The following ZNF749 variants were observed in gnomAD, a reference collection of about 807,000 sequenced individuals.
ZNF749 encodes zinc finger protein 749.
In ZNF749, 8 loss-of-function variants were observed where a neutral mutation model predicts 7.3. The ratio of observed to expected loss-of-function variants is 1.10; its 90% CI spans 0.64 to 1.98. The LOEUF (loss-of-function observed/expected upper bound fraction) is 1.98, where lower values mean the gene tolerates loss of function less well. Among genes scored for constraint, ZNF749 ranks in the 30% most tolerant of loss-of-function variants. ZNF749 has a pLI of 0.00. For synonymous variants in ZNF749, 310 were observed against 322.4 expected (o/e 0.96, Z 0.41); for missense variants, 898 against 932.4 (o/e 0.96, Z 0.48).
chr19:57,430,220 C>G, the ZNF749 span, among the ~76,000 whole-genome samples: 2 of 152,148 alleles, frequency 1.3e-5, no homozygotes, highest in East Asian at 3.9e-4. Flanking sequence ...GCTGGGAAGT[C>G]CAATACCAAG....
chr19:57,445,664 C>T lies in ZNF749; in HGVS notation c.*179C>T. Reference sequence around the variant, plus strand: ...ACATTTATGTCCAGGCGTGGTGGCTCACGCCTGTAATCCCAGCACTTTGGG... The same window carrying T: ...ACATTTATGTCCAGGCGTGGTGGCTTACGCCTGTAATCCCAGCACTTTGGG... On this transcript the variant is annotated 3_prime_UTR_variant, in exon 3 of 3. Transcript: ENST00000334181. 1 of 678,626 alleles carries T rather than the reference C, an allele frequency of 1.5e-6. No homozygotes were observed. The highest frequency in any genetic ancestry group is 6.6e-5 in the South Asian group (1 of 15,212). 42.0% of individuals were successfully genotyped at this position (678,626 alleles called of 1,614,324 possible).
Position 57,445,089 on chromosome 19 carries a change from A to G in ZNF749, c.1941A>G (p.Lys647=), listed in dbSNP as rs973156728. The part of the protein sequence containing the change: ...ERPYECSECG[K]FFRDSYKLII... ...CTTATGAGTGTAGTGAATGTGGGAAATTTTTTAGAGATAGCTACAAACTCA... is the reference window on the plus strand; with the variant it reads ...CTTATGAGTGTAGTGAATGTGGGAAGTTTTTTAGAGATAGCTACAAACTCA... Residue 647 remains lysine, a synonymous_variant, in exon 3 of 3, where the codon AAA becomes AAG. Transcript: ENST00000334181. The G allele has an allele frequency of 4.3e-6, 7 of 1,613,600 alleles. No homozygotes were observed. Among genetic ancestry groups the G allele is most frequent in the Non-Finnish European group, 4.2e-6 (5 of 1,179,846 alleles).
chr19:57,437,695 G>T (rs1027421091), intron 1 of ZNF749, among the ~76,000 whole-genome samples: 1 of 147,938 alleles, frequency 6.8e-6, no homozygotes, highest in African/African-American at 2.5e-5. Flanking sequence ...TTGCACTGCA[G>T]CCTGGGCAAC....
At position 57,443,861 on chromosome 19, in the gene ZNF749, A is replaced by C; in HGVS notation, c.713A>C (p.Asn238Thr). The change falls in exon 3 of 3, where the codon AAC becomes ACC. Residue 238 changes from asparagine to threonine, a missense_variant. By Grantham distance (65) the Asn-to-Thr change is moderately conservative. Coordinates refer to ENST00000334181, the MANE Select transcript of ZNF749 (RefSeq NM_001023561.4). ...GGGGAATTGTTTAGGTACAACTCCA[A>C]CCTTATTAAATATCAGCAAAATCAT... ...ECGELFRYNS[N>T]LIKYQQNHAG... is the part of the protein sequence containing the mutation. 1 of 1,613,700 alleles carries C rather than the reference A, an allele frequency of 6.2e-7. No individual in the cohort carries two copies. The highest frequency in any genetic ancestry group is 1.1e-5 in the South Asian group (1 of 91,064).
chr19:57,432,085 G>A (rs762542526), upstream of ZNF749, among the ~76,000 whole-genome samples: 11 of 151,604 alleles, frequency 7.3e-5, no homozygotes, highest in East Asian at 2.0e-4. Flanking sequence ...TGCCTGCCTC[G>A]GCCTCCCAAA....
intron 1 of ZNF749, among the ~76,000 whole-genome samples, chr19:57,437,584 C>G (rs2088947215): frequency 6.6e-6 from 1 of 151,760 alleles, no homozygotes; most frequent in Non-Finnish European, 1.5e-5. Flanking sequence ...ATTACCTGGG[C>G]GTGGTGGCGG....
chr19:57,431,205 C>T (rs1465773753), upstream of ZNF749, among the ~76,000 whole-genome samples: 1 of 152,138 alleles, frequency 6.6e-6, no homozygotes, highest in Non-Finnish European at 1.5e-5. Flanking sequence ...ATTTTTTATT[C>T]AGAACCTTGG....
Position 57,444,356 on chromosome 19 carries a change from T to G in ZNF749, c.1208T>G (p.Val403Gly). The G allele has an allele frequency of 6.2e-7, 1 of 1,614,046 alleles. No homozygotes were observed. The highest frequency in any genetic ancestry group is 8.5e-7 in the Non-Finnish European group (1 of 1,179,978). Residue 403 changes from valine (V) to glycine (G), a missense_variant, in exon 3 of 3, where the codon GTT becomes GGT. Transcript: ENST00000334181. Reference sequence around the variant, plus strand: ...TCCACACTCAATATGCACCAGAGAGTTCATGCTGGCAAAAGGCTTTATAAG... The same window carrying G: ...TCCACACTCAATATGCACCAGAGAGGTCATGCTGGCAAAAGGCTTTATAAG... Reference protein sequence around the residue: ...HRSTLNMHQRVHAGKRLYKCS... With the variant: ...HRSTLNMHQRGHAGKRLYKCS...
In ZNF749 at chr19:57,446,269, C is replaced by G. The variant is rs969470004; in HGVS notation, c.*784C>G. Among the ~76,000 whole-genome samples, 2 of 152,018 alleles carry G rather than the reference C, an allele frequency of 1.3e-5. No homozygotes were observed. Among genetic ancestry groups the G allele is most frequent in the Non-Finnish European group, 2.9e-5 (2 of 68,006 alleles). On this transcript the variant is annotated 3_prime_UTR_variant, in exon 3 of 3. Coordinates refer to ENST00000334181, the MANE Select transcript of ZNF749 (RefSeq NM_001023561.4). Reference sequence around the variant, plus strand: ...CTGTGAGGGATCTAGGTTGTGTGCTCCTTATGAGAATCTAACTAATACCTG... The same window carrying G: ...CTGTGAGGGATCTAGGTTGTGTGCTGCTTATGAGAATCTAACTAATACCTG...
rs553037044 is a variant in ZNF749 at position 57,442,112 on chromosome 19, C to G, written c.142+101C>G. The G allele has an allele frequency of 2.0e-6, 3 of 1,466,344 alleles. No homozygotes were observed. In the African/African-American group the frequency reaches 4.2e-5, roughly 21 times the overall value. 90.8% of individuals were successfully genotyped at this position (1,466,344 alleles called of 1,614,324 possible). A position where few individuals can be genotyped will look rare whatever the true frequency, so the allele number is the denominator to read the frequency against. On this transcript the variant is annotated intron_variant, in intron 2 of 2. Transcript: ENST00000334181. This position sits in a 1 kb window ranked among gnomAD's most constrained non-coding sequence, Gnocchi z 6.6. ...TTCCCACACCAGATTGTGAGTGCTA[C>G]GTCCTGTCCTCTCCTGGTTTCCTGG...
rs367787971 is a variant in ZNF749 at position 57,445,364 on chromosome 19, G to A, written c.2216G>A (p.Gly739Asp). The A allele has an allele frequency of 1.1e-5, 17 of 1,613,578 alleles. No homozygotes were observed. Among genetic ancestry groups the A allele is most frequent in the Admixed American group, 1.7e-5 (1 of 59,962 alleles). Reference protein sequence around the residue: ...CGKDFNKCNTGQRQKTHTGER... With the variant: ...CGKDFNKCNTDQRQKTHTGER... ...AAAGACTTCAACAAATGTAATACTG[G>A]TCAGCGCCAAAAAACTCACACTGGA... Residue 739 changes from glycine to aspartate, a missense_variant, in exon 3 of 3, where the codon GGT becomes GAT. Gly to Asp is a moderately conservative substitution (Grantham distance 94, BLOSUM62 -1). Coordinates refer to ENST00000334181, the MANE Select transcript of ZNF749 (RefSeq NM_001023561.4).
Position 57,443,968 on chromosome 19 carries a change from C to T in ZNF749, c.820C>T (p.His274Tyr). Residue 274 changes from histidine (H) to tyrosine (Y), a missense_variant, in exon 3 of 3, where the codon CAC (histidine) becomes TAC (tyrosine). By Grantham distance (83) the His-to-Tyr change is moderately conservative. Coordinates refer to ENST00000334181, the MANE Select transcript of ZNF749 (RefSeq NM_001023561.4). ...CAACCTAGTTCAGCACCAGAAAATT[C>T]ACAGTGAAGGCTTTCTTTCAAAAAG... Reference protein sequence around the residue: ...KSNLVQHQKIHSEGFLSKRSD... With the variant: ...KSNLVQHQKIYSEGFLSKRSD... 6.2e-7 allele frequency: 1 copy of T among 1,613,838 alleles called. No homozygotes were observed. The highest frequency in any genetic ancestry group is 8.5e-7 in the Non-Finnish European group (1 of 1,179,848).
chr19:57,435,668 G>A lies in ZNF749; in HGVS notation c.15+75G>A. On this transcript the variant is annotated intron_variant, in intron 1 of 2. Coordinates refer to ENST00000334181, the MANE Select transcript of ZNF749 (RefSeq NM_001023561.4). ...GAAGTCCCAAGGAGCCGCCCTGCAG[G>A]TTAGGCCCTTGTGTCTCTAAGAGAG... The A allele has an allele frequency of 7.1e-6, 11 of 1,559,458 alleles. No homozygotes were observed. In the South Asian group the frequency reaches 1.3e-4, roughly 18 times the overall value.
rs1310125180 is a variant in ZNF749, at chr19:57,436,620, C to T, written c.15+1027C>T. On this transcript the variant is annotated intron_variant, in intron 1 of 2. Transcript: ENST00000334181. The surrounding 1 kb of genome is among the most constrained non-coding windows in gnomAD (Gnocchi z 4.0). ...CTAACTCAGCTGGCCCTGAGGGCCA[C>T]TCTTTAGGGAACAAGATAAGGCCAT... 2.6e-5 allele frequency among the ~76,000 whole-genome samples: 4 copies of T among 152,334 alleles called. No individual in the cohort carries two copies. The East Asian group carries it at 5.8e-4, about 22-fold the overall frequency.
At position 57,441,961 on chromosome 19, in the gene ZNF749, A is replaced by G. The variant is rs777588838; in HGVS notation, c.92A>G (p.His31Arg). 1 of 1,614,038 alleles carries G rather than the reference A, an allele frequency of 6.2e-7. No individual in the cohort carries two copies. Among genetic ancestry groups the G allele is most frequent in the African/African-American group, 1.3e-5 (1 of 74,912 alleles). The change falls in exon 2 of 3, where the codon CAC becomes CGC. Residue 31 changes from histidine (H) to arginine (R), a missense_variant. Transcript: ENST00000334181. ...GGGATCCTTAATGATGCTCAGAGAC[A>G]CCTGCACAGCAATGTGATGTTGGAG... is the stretch of plus-strand genomic sequence containing the variant. ...EWGILNDAQRHLHSNVMLENF... is the reference protein window; with the variant it reads ...EWGILNDAQRRLHSNVMLENF...
At position 57,443,754 on chromosome 19, in the gene ZNF749, G is replaced by A. The variant is rs150244240; in HGVS notation, c.606G>A (p.Gly202=). The A allele has an allele frequency of 3.8e-3, 6,147 of 1,614,162 alleles. 339 individuals carry two copies. The Admixed American group carries it at 0.095, about 25-fold the overall frequency. The change falls in exon 3 of 3, where the codon GGG becomes GGA. Residue 202 remains glycine (G), a synonymous_variant. Transcript: ENST00000334181. The stretch of plus-strand genomic sequence containing the variant: ...ATGATTTCAACTCCAGCCAAGGTGG[G>A]AAAGACTTTTGCCACCAACATGGGC... ...EQNDFNSSQG[G]KDFCHQHGLF...
In ZNF749 at chr19:57,439,081, G is replaced by A. The variant is rs949094384; in HGVS notation, c.16-2804G>A. On this transcript the variant is annotated intron_variant, in intron 1 of 2. Coordinates refer to ENST00000334181, the MANE Select transcript of ZNF749 (RefSeq NM_001023561.4). The surrounding 1 kb of genome is among the most constrained non-coding windows in gnomAD (Gnocchi z 4.3). ...TGGTAACTAGGGAAGGTTTGAGGAG[G>A]GGGGAAAAAGAGGTGACCTGACCCA... 6.6e-6 allele frequency among the ~76,000 whole-genome samples: 1 copy of A among 152,080 alleles called. No homozygotes were observed. Among genetic ancestry groups the A allele is most frequent in the Non-Finnish European group, 1.5e-5 (1 of 68,010 alleles).
intron 1 of ZNF749, among the ~76,000 whole-genome samples, chr19:57,438,863 G>A (rs190521306): frequency 6.9e-4 from 105 of 152,314 alleles, no homozygotes; most frequent in Non-Finnish European, 1.2e-3. Flanking sequence ...GTGGCAGGGC[G>A]TTCAGGCACG....
Position 57,445,190 on chromosome 19 carries a change from C to T in ZNF749, c.2042C>T (p.Ser681Phe), listed in dbSNP as rs534225360. The change falls in exon 3 of 3, where the codon TCT (serine) becomes TTT (phenylalanine). Residue 681 changes from serine to phenylalanine, a missense_variant. Coordinates refer to ENST00000334181, the MANE Select transcript of ZNF749 (RefSeq NM_001023561.4). ...TGTGGGAAGTTTCTTAGATACCGCTCTACATTCATTAAACATCATAAAGTT... is the reference window on the plus strand; with the variant it reads ...TGTGGGAAGTTTCTTAGATACCGCTTTACATTCATTAAACATCATAAAGTT... The part of the protein sequence containing the change: ...SNCGKFLRYR[S>F]TFIKHHKVCT... 229 of 1,614,122 alleles carry T rather than the reference C, an allele frequency of 1.4e-4. No homozygotes were observed. Among genetic ancestry groups the T allele is most frequent in the Non-Finnish European group, 1.9e-4 (224 of 1,179,990 alleles).
Sources: gnomAD v4.1 joint callset for allele counts (sites outside exome capture counted in the v4.1 genomes callset) on GRCh38, gnomAD v4.1.1 for gene constraint, Gnocchi (gnomAD v3.1) non-coding constraint, MANE v1.5 for transcripts, NCBI Gene and HGNC (gene_info 2026-07-23, HGNC 2026-07-21) for gene names.